FUT9: variants seen among roughly 807,000 people sequenced by gnomAD.
FUT9 encodes fucosyltransferase 9, also known as 4-galactosyl-N-acetylglucosaminide 3-alpha-L-fucosyltransferase 9.
A neutral mutation model predicts 29.7 loss-of-function variants in FUT9; 15 were observed. That is an observed-to-expected ratio of 0.51 (90% CI 0.34 to 0.78). The LOEUF (loss-of-function observed/expected upper bound fraction) is 0.78. Ranked by LOEUF, FUT9 falls within the 30% of genes least tolerant of loss-of-function variation. The pLI, the probability that FUT9 is intolerant of heterozygous loss-of-function variation, is 0.01. For missense variants in FUT9, 319 were observed against 425.4 expected, an observed-to-expected ratio of 0.75 and a Z score of 2.20; for synonymous variants, 169 against 153.7, an observed-to-expected ratio of 1.10 and a Z score of -0.74.
chr6:96,079,282 G>A (rs929352795), intron 1 of FUT9, among the ~76,000 whole-genome samples: 1 of 152,126 alleles, frequency 6.6e-6, no homozygotes, highest in Non-Finnish European at 1.5e-5. Context: ...CAAATACTGA[G>A]CTTTTTGGAC....
intron 1 of FUT9, among the ~76,000 whole-genome samples, chr6:96,078,168 AT>A (rs1353767416): frequency 6.6e-6 from 1 of 151,638 alleles, no homozygotes; most frequent in African/African-American, 2.4e-5. Flanking sequence ...CTCCCTTTCA[AT>A]TTTTTCTACA....
At chr6:96,086,797 G>T (rs7744847) in intron 1 of FUT9, among the ~76,000 whole-genome samples, 62,512 of 151,930 alleles carry the variant, frequency 0.41, 13,342 homozygotes, top group East Asian at 0.61. Flanking sequence ...TTCTCAGTTA[G>T]TTAATATTTT....
In FUT9 at chr6:96,147,858, T is replaced by C. The variant is rs145553336; in HGVS notation, c.-9+33731T>C. On this transcript the variant is annotated intron_variant, in intron 2 of 2. Coordinates refer to ENST00000302103, the MANE Select transcript of FUT9 (RefSeq NM_006581.4). The stretch of plus-strand genomic sequence containing the variant: ...TTGAATATATCACAGCCACACTAGA[T>C]AAAAGATGATCTGGGACTACGATAT... Among the ~76,000 whole-genome samples, 378 of 149,164 alleles carry C rather than the reference T, an allele frequency of 2.5e-3. 4 individuals carry two copies. Among genetic ancestry groups the C allele is most frequent in the African/African-American group, 9.0e-3 (364 of 40,370 alleles).
At chr6:96,160,467 A>G (rs975143951) in intron 2 of FUT9, among the ~76,000 whole-genome samples, 5 of 152,200 alleles carry the variant, frequency 3.3e-5, no homozygotes, top group Admixed American at 2.0e-4. Context: ...CACTCTGGTC[A>G]ATCTGGTGAA....
intron 1 of FUT9, among the ~76,000 whole-genome samples, chr6:96,019,574 G>T (rs1265167852): frequency 6.6e-6 from 1 of 152,010 alleles, no homozygotes; most frequent in Admixed American, 6.5e-5. Flanking sequence ...TATGTAAAAT[G>T]AATATTTCAA....
At position 96,091,608 on chromosome 6, in the gene FUT9, G is replaced by A. The variant is rs576877975; in HGVS notation, c.-97-22431G>A. ...TTCTAAGAACATTTTGAAATATATA[G>A]CTGAGAAATGTCATAATACTTGCAA... On this transcript the variant is annotated intron_variant, in intron 1 of 2. Coordinates refer to ENST00000302103, the MANE Select transcript of FUT9 (RefSeq NM_006581.4). Among the ~76,000 whole-genome samples, 8 of 152,202 alleles carry A rather than the reference G, an allele frequency of 5.3e-5. No homozygotes were observed. In the East Asian group the frequency reaches 1.5e-3, roughly 29 times the overall value.
Position 96,211,591 on chromosome 6 carries a change from T to C in FUT9, c.*7356T>C, listed in dbSNP as rs1428564207. 6.1e-6 allele frequency: 1 copy of C among 164,750 alleles called. No individual in the cohort carries two copies. Among genetic ancestry groups the C allele is most frequent in the Non-Finnish European group, 1.5e-5 (1 of 67,036 alleles). The allele number at this position is 164,750 out of a possible 1,614,324, so 10.2% of individuals were successfully genotyped here. ...ACTTCAATAAACAGGAGTATTTATC[T>C]AGTGGTTCAGAAATAAAATAATTGT... On this transcript the variant is annotated 3_prime_UTR_variant, in exon 3 of 3. Transcript: ENST00000302103.
intron 1 of FUT9, among the ~76,000 whole-genome samples, chr6:96,053,864 G>A (rs1397708312): frequency 6.6e-6 from 1 of 152,048 alleles, no homozygotes; most frequent in Non-Finnish European, 1.5e-5. Context: ...CAGATAAATT[G>A]TATATAATAT....
intron 1 of FUT9, among the ~76,000 whole-genome samples, chr6:96,034,539 C>G (rs944952749): frequency 9.2e-5 from 14 of 151,592 alleles, no homozygotes; most frequent in African/African-American, 3.4e-4. Context: ...TTAACAATTT[C>G]TATTGAACTA....
chr6:96,072,657 A>C (rs189673707), intron 1 of FUT9, among the ~76,000 whole-genome samples: 15 of 152,294 alleles, frequency 9.8e-5, no homozygotes, highest in Admixed American at 3.3e-4. Flanking sequence ...TGCCTTATTC[A>C]GATAGAAAAA....
intron 2 of FUT9, among the ~76,000 whole-genome samples, chr6:96,194,886 G>C (rs1308488189): frequency 6.6e-6 from 1 of 152,070 alleles, no homozygotes; most frequent in Non-Finnish European, 1.5e-5. Context: ...AAAGGCACGT[G>C]GAGCATGAGC....
intron 1 of FUT9, among the ~76,000 whole-genome samples, chr6:96,028,283 A>G (rs556606492): frequency 1.8e-4 from 27 of 151,638 alleles, no homozygotes; most frequent in Non-Finnish European, 3.8e-4. Context: ...AGCTGTAACC[A>G]GATATAACTG....
In FUT9 at chr6:96,201,781, T is replaced by C. The variant is rs564352287; in HGVS notation, c.-8-1367T>C. Reference sequence around the variant, plus strand: ...TTGACTATAGAACTGAAACCAACTTTGACAGGAAGCTGCAATCTCTGATTC... The same window carrying C: ...TTGACTATAGAACTGAAACCAACTTCGACAGGAAGCTGCAATCTCTGATTC... On this transcript the variant is annotated intron_variant, in intron 2 of 2. Transcript: ENST00000302103. Among the ~76,000 whole-genome samples, 31 of 151,660 alleles carry C rather than the reference T, an allele frequency of 2.0e-4. 1 individual carries two copies. The South Asian group carries it at 6.2e-3, about 30-fold the overall frequency.
intron 2 of FUT9, among the ~76,000 whole-genome samples, chr6:96,138,957 G>A (rs1470830518): frequency 6.6e-6 from 1 of 152,034 alleles, no homozygotes; most frequent in African/African-American, 2.4e-5. Flanking sequence ...ACTACTTATT[G>A]ATTGCCTTAA....
At chr6:96,036,851 T>G (rs1770372917) in intron 1 of FUT9, 1 of 152,024 alleles carries the variant, frequency 6.6e-6, no homozygotes, top group African/African-American at 2.4e-5. Context: ...TAGCTGTGCT[T>G]CTCAAACCTT....
Position 96,193,256 on chromosome 6 carries a change from G to A in FUT9, c.-8-9892G>A, listed in dbSNP as rs1222845418. ...CACAGCCAAAGAAACTACCATCAGAGTGAACAGGCAACCTAAAGAATGGGA... is the reference window on the plus strand; with the variant it reads ...CACAGCCAAAGAAACTACCATCAGAATGAACAGGCAACCTAAAGAATGGGA... On this transcript the variant is annotated intron_variant, in intron 2 of 2. Coordinates refer to ENST00000302103, the MANE Select transcript of FUT9 (RefSeq NM_006581.4). Among the ~76,000 whole-genome samples, 5 of 135,778 alleles carry A rather than the reference G, an allele frequency of 3.7e-5. No homozygotes were observed. In the Admixed American group the frequency reaches 4.1e-4, roughly 11 times the overall value. 89.1% of individuals were successfully genotyped at this position (135,778 alleles called of 152,430 possible).
Position 96,094,105 on chromosome 6 carries a change from C to G in FUT9, c.-97-19934C>G, listed in dbSNP as rs189177646. 2.6e-5 allele frequency among the ~76,000 whole-genome samples: 4 copies of G among 152,220 alleles called. No homozygotes were observed. In the East Asian group the frequency reaches 7.7e-4, roughly 29 times the overall value. ...TTTTGGATACGCTGCATGTCATATT[C>G]AATAGTCCTCCCTTATTTGTGGTTT... On this transcript the variant is annotated intron_variant, in intron 1 of 2. Transcript: ENST00000302103.
chr6:96,027,458 G>A (rs141228719), intron 1 of FUT9, among the ~76,000 whole-genome samples: 92 of 151,164 alleles, frequency 6.1e-4, no homozygotes, highest in East Asian at 3.7e-3. Context: ...TCTCTCTTGC[G>A]TTCAGATAGA....
chr6:96,199,044 AT>A, intron 2 of FUT9, among the ~76,000 whole-genome samples: 1 of 152,214 alleles, frequency 6.6e-6, no homozygotes, highest in Non-Finnish European at 1.5e-5. Flanking sequence ...AGATTCTGTT[AT>A]TTTTTATGGT....
Sources: gnomAD v4.1 joint callset for allele counts (sites outside exome capture counted in the v4.1 genomes callset) on GRCh38, gnomAD v4.1.1 for gene constraint, MANE v1.5 for transcripts, NCBI Gene and HGNC (gene_info 2026-07-23, HGNC 2026-07-21) for gene names.